The following EFHB variants were observed in gnomAD, a reference collection of about 807,000 sequenced individuals.
The protein encoded by EFHB is EF-hand domain family member B.
In EFHB, 91 loss-of-function variants were observed where a neutral mutation model predicts 87.2. The ratio of observed to expected loss-of-function variants is 1.04; its 90% confidence interval spans 0.88 to 1.24. EFHB has a LOEUF of 1.24. EFHB is among the 50% of genes most tolerant of loss of function. The pLI, the probability that EFHB is intolerant of heterozygous loss-of-function variation, is 0.00. For missense variants in EFHB, 1,084 were observed against 998.8 expected (o/e 1.09, Z -1.15); for synonymous variants, 325 against 333.6 (o/e 0.97, Z 0.28).
At chr3:19,929,983 T>A (rs1277194770) in intron 1 of EFHB, among the ~76,000 whole-genome samples, 1 of 152,168 alleles carries the variant, frequency 6.6e-6, no homozygotes, top group African/African-American at 2.4e-5. Context: ...TTACCTAAAT[T>A]TGCTTCCATT....
Position 19,884,400 on chromosome 3 carries a change from T to C in EFHB, c.2146+3A>G. 2 of 1,612,266 alleles carry C rather than the reference T, an allele frequency of 1.2e-6. No homozygotes were observed. Among genetic ancestry groups the C allele is most frequent in the Non-Finnish European group, 8.5e-7 (1 of 1,179,040 alleles). ...TTTAAAACTTGACAAATAAGTGACA[T>C]ACAAGTAGAAGGAATGGCTCCTACA... On this transcript the variant is annotated splice_donor_region_variant and intron_variant, in intron 11 of 12. Transcript: ENST00000295824.
At chr3:19,903,248 G>A (rs957484625) in intron 6 of EFHB, among the ~76,000 whole-genome samples, 3 of 151,732 alleles carry the variant, frequency 2.0e-5, no homozygotes, top group South Asian at 2.1e-4. Flanking sequence ...CTTGGGAGTA[G>A]AGACAAGTTG....
At chr3:19,940,906 G>T in intron 1 of EFHB, 1 of 343,130 alleles carries the variant, frequency 2.9e-6, no homozygotes. Flanking sequence ...GTGAAGGTCT[G>T]TCTGCTTGGA....
chr3:19,928,097 T>C (rs1195063132), intron 1 of EFHB, among the ~76,000 whole-genome samples: 1 of 151,826 alleles, frequency 6.6e-6, no homozygotes, highest in Non-Finnish European at 1.5e-5. Context: ...AAAGAAAAAC[T>C]ACTGTCTAAA....
chr3:19,899,275 A>G (rs1225268620), intron 7 of EFHB, among the ~76,000 whole-genome samples, 157 bp downstream of exon 7: 1 of 152,206 alleles, frequency 6.6e-6, no homozygotes, highest in Non-Finnish European at 1.5e-5. Context: ...TGGAATCCCA[A>G]ATTCTATAGA....
intron 1 of EFHB, chr3:19,940,461 A>T: frequency 2.0e-6 from 1 of 491,596 alleles, no homozygotes; most frequent in African/African-American, 2.0e-5. Context: ...TAATAATTTC[A>T]TTACGCCTGA....
chr3:19,920,310 T>C (rs1695393131), intron 2 of EFHB, among the ~76,000 whole-genome samples, 195 bp downstream of exon 2: 1 of 152,218 alleles, frequency 6.6e-6, no homozygotes, highest in Non-Finnish European at 1.5e-5. Context: ...TGAATCCCTG[T>C]AGAGCTAGAA....
chr3:19,913,155 G>C (rs2125144556), intron 5 of EFHB, among the ~76,000 whole-genome samples: 1 of 152,230 alleles, frequency 6.6e-6, no homozygotes, highest in Non-Finnish European at 1.5e-5. Context: ...ATACTGAATG[G>C]GGAAAGACTG....
intron 11 of EFHB, among the ~76,000 whole-genome samples, chr3:19,884,013 G>T (rs1193970471): frequency 6.6e-6 from 1 of 152,178 alleles, no homozygotes. Context: ...CATGGGGAAT[G>T]AATATGCAGA....
At chr3:19,907,359 T>C (rs1198954806) in intron 5 of EFHB, among the ~76,000 whole-genome samples, 1 of 152,196 alleles carries the variant, frequency 6.6e-6, no homozygotes, top group Non-Finnish European at 1.5e-5. Context: ...TGAAGAACTT[T>C]AATATTTAGA....
chr3:19,902,195 T>C (rs982800249), intron 6 of EFHB, among the ~76,000 whole-genome samples: 6 of 152,206 alleles, frequency 3.9e-5, no homozygotes, highest in Non-Finnish European at 8.8e-5. Flanking sequence ...TGTGTGCCAG[T>C]GAATTCATTC....
At chr3:19,936,025 A>T (rs1696008233), upstream of EFHB, 1 of 1,155,176 alleles carries the variant, frequency 8.7e-7, no homozygotes, top group Non-Finnish European at 1.1e-6. Context: ...AAAAAAAAAA[A>T]AAAAGCAAAA....
chr3:19,924,853 C>G (rs1015416208), intron 1 of EFHB, among the ~76,000 whole-genome samples: 1 of 151,992 alleles, frequency 6.6e-6, no homozygotes, highest in African/African-American at 2.4e-5. Context: ...AACATATACC[C>G]TAAAACTTAA....
chr3:19,934,407 CCTCT>C (rs1695956852), upstream of EFHB, among the ~76,000 whole-genome samples: 5 of 131,324 alleles, frequency 3.8e-5, no homozygotes, highest in African/African-American at 1.5e-4. Flanking sequence ...CCTTCTCTCT[CCTCT>C]CTCTCCCTCT....
chr3:19,896,274 A>G (rs1694477502), intron 9 of EFHB, among the ~76,000 whole-genome samples: 1 of 152,138 alleles, frequency 6.6e-6, no homozygotes, highest in Admixed American at 6.5e-5. Context: ...GCTGGGTCCC[A>G]CCCCAGAGTT....
At chr3:19,925,022 G>A (rs1036274164) in intron 1 of EFHB, among the ~76,000 whole-genome samples, 10 of 152,024 alleles carry the variant, frequency 6.6e-5, no homozygotes, top group Admixed American at 5.2e-4. Context: ...GAGGTGGGCG[G>A]ATCACGAGGT....
chr3:19,889,592 G>A (rs1042118026), intron 9 of EFHB, among the ~76,000 whole-genome samples: 5 of 152,172 alleles, frequency 3.3e-5, no homozygotes, highest in Admixed American at 6.5e-5. Flanking sequence ...CTGACTCGAT[G>A]AATTATAAAT....
At position 19,888,583 on chromosome 3, in the gene EFHB, A is replaced by T. The variant is rs1170919783; in HGVS notation, c.1794T>A (p.Asp598Glu). 5.0e-6 allele frequency: 8 copies of T among 1,605,440 alleles called. No homozygotes were observed. The highest frequency in any genetic ancestry group is 6.8e-6 in the Non-Finnish European group (8 of 1,175,642). ...EACDQANLSL[D>E]DKLLDQLFDY... ...CAAATAGCTGGTCCAGGAGCTTGTCATCTAAACTCAAGTTGGCCTGGTCAC... is the reference window on the plus strand; with the variant it reads ...CAAATAGCTGGTCCAGGAGCTTGTCTTCTAAACTCAAGTTGGCCTGGTCAC... Residue 598 changes from aspartate (D) to glutamate (E), a missense_variant, in exon 10 of 13, where the codon GAT becomes GAA. By Grantham distance (45) the Asp-to-Glu change is conservative (BLOSUM62 2). Coordinates refer to ENST00000295824, the MANE Select transcript of EFHB (RefSeq NM_144715.4).
At chr3:19,884,307 GA>G in intron 11 of EFHB, 95 bp downstream of exon 11, 2 of 1,190,752 alleles carry the variant, frequency 1.7e-6, no homozygotes, top group Non-Finnish European at 2.3e-6. Flanking sequence ...AAAGCTTTGG[GA>G]AACTTAATCT....
Sources: gnomAD v4.1 joint callset for allele counts (sites outside exome capture counted in the v4.1 genomes callset) on GRCh38, gnomAD v4.1.1 for gene constraint, MANE v1.5 for transcripts, NCBI Gene and HGNC (gene_info 2026-07-23, HGNC 2026-07-21) for gene names.